Variants in IGF1R observed in about 807,000 individuals in gnomAD.
IGF1R encodes the protein insulin-like growth factor 1 receptor.
In IGF1R, 44 loss-of-function variants were observed where a neutral mutation model predicts 144.6. The observed-to-expected ratio is 0.30, with a 90% CI of 0.24 to 0.39. IGF1R has a LOEUF of 0.39. Among genes scored for constraint, IGF1R ranks in the 10% least tolerant of loss-of-function variants. IGF1R has a pLI of 1.00. For missense variants in IGF1R, 1,355 were observed against 1,833.7 expected, an observed-to-expected ratio of 0.74 and a Z score of 4.77; for synonymous variants, 795 against 722.8, an observed-to-expected ratio of 1.10 and a Z score of -1.60.
intron 8 of IGF1R, 39 bp from the exon 9 acceptor site, chr15:98,915,925 C>A: frequency 6.2e-7 from 1 of 1,600,984 alleles, no homozygotes; most frequent in South Asian, 1.1e-5. Context: ...CTCTTAAGTT[C>A]ATTTCATTTT....
At chr15:98,916,604 T>C in intron 9 of IGF1R, 68 bp from the exon 10 acceptor site, 1 of 1,345,152 alleles carries the variant, frequency 7.4e-7, no homozygotes, top group African/African-American at 1.4e-5. Context: ...AGAGCTATTA[T>C]TTTTCCTTAC....
intron 10 of IGF1R, among the ~76,000 whole-genome samples, chr15:98,918,610 G>T (rs1379624987): frequency 6.6e-6 from 1 of 152,114 alleles, no homozygotes; most frequent in Admixed American, 6.5e-5. Flanking sequence ...GCCAGGCGCG[G>T]TGGCTCACGC....
chr15:98,926,859 C>G (rs1340638091), intron 13 of IGF1R, among the ~76,000 whole-genome samples: 1 of 152,208 alleles, frequency 6.6e-6, no homozygotes, highest in East Asian at 1.9e-4. Flanking sequence ...ACCAGTTAGT[C>G]TATGCCACCT....
intron 2 of IGF1R, among the ~76,000 whole-genome samples, chr15:98,875,873 G>A (rs910715508): frequency 3.3e-5 from 5 of 152,124 alleles, no homozygotes; most frequent in Non-Finnish European, 5.9e-5. Flanking sequence ...ATAGTTTGCC[G>A]GGGCATAGGA....
chr15:98,863,689 C>T (rs909860015), intron 2 of IGF1R, among the ~76,000 whole-genome samples: 5 of 152,312 alleles, frequency 3.3e-5, no homozygotes, highest in Non-Finnish European at 5.9e-5. Context: ...TTGAAATGTT[C>T]TTGCCCTTTC....
At chr15:98,720,332 C>CT (rs2054217900) in intron 2 of IGF1R, among the ~76,000 whole-genome samples, 1 of 152,222 alleles carries the variant, frequency 6.6e-6, no homozygotes, top group Non-Finnish European at 1.5e-5. Context: ...GATCTGGCCT[C>CT]TTCTACTGAC....
chr15:98,896,468 A>G (rs916169035), intron 3 of IGF1R, among the ~76,000 whole-genome samples: 10 of 152,210 alleles, frequency 6.6e-5, no homozygotes, highest in African/African-American at 2.2e-4. Context: ...CTCACCAGTC[A>G]ACAGCCTATG....
chr15:98,682,778 T>G (rs1343333900), intron 1 of IGF1R, among the ~76,000 whole-genome samples: 3 of 151,952 alleles, frequency 2.0e-5, no homozygotes, highest in Non-Finnish European at 4.4e-5. Flanking sequence ...GAACTCCTGA[T>G]TAGGTGATCC....
chr15:98,915,945 T>A lies in IGF1R; in HGVS notation c.1829-19T>A. ...AAGTTCATTTCATTTTCTAGAATGT[T>A]CTTTGTTCCCCTCTCCAGTTCCTTC... On this transcript the variant is annotated intron_variant, in intron 8 of 20. Transcript: ENST00000650285. The A allele has an allele frequency of 6.2e-7, 1 of 1,612,880 alleles. No individual in the cohort carries two copies. Among genetic ancestry groups the A allele is most frequent in the African/African-American group, 1.3e-5 (1 of 75,010 alleles).
intron 2 of IGF1R, among the ~76,000 whole-genome samples, chr15:98,769,075 CTT>C (rs1232916356): frequency 6.6e-6 from 1 of 152,326 alleles, no homozygotes; most frequent in East Asian, 1.9e-4. Context: ...TATTTTAACT[CTT>C]TGACATAAAA....
At chr15:98,688,414 C>CTGTGTGTGTGTGTGTG (rs10528336) in intron 1 of IGF1R, among the ~76,000 whole-genome samples, 7 of 143,506 alleles carry the variant, frequency 4.9e-5, no homozygotes, top group African/African-American at 1.3e-4. Context: ...CAACACACAC[C>CTGTGTGTGTGTGTGTG]TGTGTGTGTG....
chr15:98,809,185 C>G (rs1005420497), intron 2 of IGF1R, among the ~76,000 whole-genome samples: 2 of 152,208 alleles, frequency 1.3e-5, no homozygotes, highest in Non-Finnish European at 2.9e-5. Context: ...GACCCTGACT[C>G]TTTCCTGCAT....
intron 1 of IGF1R, among the ~76,000 whole-genome samples, chr15:98,697,540 C>T (rs1160171205): frequency 6.6e-6 from 1 of 151,864 alleles, no homozygotes; most frequent in Non-Finnish European, 1.5e-5. Flanking sequence ...CTTTAAAGGC[C>T]TGGCCTGTGT....
intron 9 of IGF1R, 21 bp downstream of exon 9, chr15:98,916,152 T>G (rs2015235454): frequency 3.7e-6 from 6 of 1,613,546 alleles, no homozygotes; most frequent in Non-Finnish European, 5.1e-6. Flanking sequence ...AGCAGCGGCC[T>G]GGACGGAGGG....
intron 2 of IGF1R, among the ~76,000 whole-genome samples, chr15:98,835,299 G>T (rs1239324173): frequency 1.3e-5 from 2 of 152,164 alleles, no homozygotes; most frequent in African/African-American, 4.8e-5. Context: ...GCTATTATGT[G>T]TAGGGGACTA....
chr15:98,939,690 G>C (rs1487517642), intron 18 of IGF1R, among the ~76,000 whole-genome samples: 2 of 152,168 alleles, frequency 1.3e-5, no homozygotes, highest in African/African-American at 2.4e-5. Flanking sequence ...ATTTTGACTT[G>C]GGAATAAAAC....
intron 1 of IGF1R, among the ~76,000 whole-genome samples, chr15:98,687,018 A>G (rs148752406): frequency 6.6e-6 from 1 of 152,294 alleles, no homozygotes; most frequent in East Asian, 1.9e-4. Flanking sequence ...GAAGGTTTTG[A>G]GAGGAGAGGG....
intron 5 of IGF1R, among the ~76,000 whole-genome samples, chr15:98,905,390 C>T (rs1007366577): frequency 1.3e-5 from 2 of 152,034 alleles, no homozygotes; most frequent in Non-Finnish European, 1.5e-5. Context: ...GGTGTGGTGG[C>T]TCACACCTGT....
At chr15:98,705,399 T>C (rs1054119860) in intron 1 of IGF1R, among the ~76,000 whole-genome samples, 13 of 152,186 alleles carry the variant, frequency 8.5e-5, no homozygotes, top group African/African-American at 2.9e-4. Context: ...ACAAGCCTTG[T>C]GTCAAGTTTT....
Sources: allele counts gnomAD v4.1 joint callset (sites outside exome capture counted in the v4.1 genomes callset), GRCh38; gene constraint gnomAD v4.1.1; transcripts MANE v1.5; gene names NCBI Gene and HGNC (gene_info 2026-07-23, HGNC 2026-07-21).